PVT1: variants seen among roughly 807,000 people sequenced by gnomAD.
The protein encoded by PVT1 is Pvt1 oncogene, also known as CXCR4/PVT1 fusion.
chr8:127,898,086 GGAAGGAAGGAAGGAAA>G lies in PVT1; in HGVS notation n.782+7104_782+7119del, dbSNP rs1382126954. On this transcript the variant is annotated intron_variant and non_coding_transcript_variant, in intron 3 of 10. Coordinates refer to ENST00000651587, the Ensembl canonical transcript of PVT1. The surrounding 1 kb of genome is among the most constrained non-coding windows in gnomAD (Gnocchi z 4.4). Reference sequence around the variant, plus strand: ...AGAAAGAAAAGAAAAGAAAGAAAAGGGAAGGAAGGAAGGAAAGAAGGAAGGAAGGAAGAAAGAAGGA... The same window carrying G: ...AGAAAGAAAAGAAAAGAAAGAAAAGGGAAGGAAGGAAGGAAGAAAGAAGGA... 2.8e-5 allele frequency among the ~76,000 whole-genome samples: 4 copies of G among 141,076 alleles called. No individual in the cohort carries two copies. Among genetic ancestry groups the G allele is most frequent in the East Asian group, 2.1e-4 (1 of 4,790 alleles). The allele number at this position is 141,076 out of a possible 152,430, so 92.6% of individuals were successfully genotyped here.
At position 127,833,383 on chromosome 8, in the gene PVT1, T is replaced by C. The variant is rs73353097; in HGVS notation, n.372+37312T>C. ...CTGCTCCTCTCTCCTGCCCTCTATC[T>C]TGGCCTCGCCCGGTCCTAGCCGGGG... On this transcript the variant is annotated intron_variant and non_coding_transcript_variant, in intron 2 of 10. Coordinates refer to ENST00000651587, the Ensembl canonical transcript of PVT1. Among the ~76,000 whole-genome samples the C allele has an allele frequency of 7.2e-3, 1,094 of 152,250 alleles. 19 individuals are homozygous for C. Among genetic ancestry groups the C allele is most frequent in the African/African-American group, 0.025 (1,028 of 41,548 alleles).
intron 4 of PVT1, among the ~76,000 whole-genome samples, chr8:128,024,942 T>G (rs1369107787): frequency 6.6e-6 from 1 of 152,230 alleles, no homozygotes; most frequent in African/African-American, 2.4e-5. Flanking sequence ...CCTCAAGTGA[T>G]CCCATCTTGG....
chr8:127,817,116 G>A (rs560492384), intron 2 of PVT1, among the ~76,000 whole-genome samples: 1 of 151,870 alleles, frequency 6.6e-6, no homozygotes, highest in East Asian at 1.9e-4. Context: ...ACTGCTGTTG[G>A]ATTTTCCTGG....
In PVT1 at chr8:128,047,034, C is replaced by T. The variant is rs149848673; in HGVS notation, n.913-23126C>T. On this transcript the variant is annotated intron_variant and non_coding_transcript_variant, in intron 4 of 10. Coordinates refer to ENST00000651587, the Ensembl canonical transcript of PVT1. ...TGTCTGAGGTTCTACTTTGTTCCAG[C>T]CATGGAGTCATACTCTCTTTATCTT... Among the ~76,000 whole-genome samples the T allele has an allele frequency of 3.1e-3, 476 of 152,308 alleles. 4 individuals carry two copies. The highest frequency in any genetic ancestry group is 0.011 in the African/African-American group (466 of 41,564).
intron 2 of PVT1, among the ~76,000 whole-genome samples, chr8:127,879,952 GC>G (rs1815446674): frequency 6.6e-6 from 1 of 152,178 alleles, no homozygotes; most frequent in South Asian, 2.1e-4. Flanking sequence ...ACTTCTCCAG[GC>G]CTTACTTCTC....
chr8:127,978,650 A>C lies in PVT1; in HGVS notation n.783-10512A>C, dbSNP rs1283307187. 2.6e-5 allele frequency among the ~76,000 whole-genome samples: 4 copies of C among 151,942 alleles called. No homozygotes were observed. The East Asian group carries it at 7.7e-4, about 29-fold the overall frequency. ...AGGCACGTGCCACCACACCTGGCTA[A>C]TTTTTTTGTGGTTTTAGTAGAGATG... On this transcript the variant is annotated intron_variant and non_coding_transcript_variant, in intron 3 of 10. Coordinates refer to ENST00000651587, the Ensembl canonical transcript of PVT1.
intron 2 of PVT1, among the ~76,000 whole-genome samples, chr8:127,830,139 A>T (rs1814833871): frequency 6.6e-6 from 1 of 152,230 alleles, no homozygotes. Flanking sequence ...TGAGGTTCTG[A>T]ATAGACATGA....
intron 3 of PVT1, among the ~76,000 whole-genome samples, chr8:127,954,634 C>T (rs776685073): frequency 6.5e-4 from 99 of 152,202 alleles, no homozygotes; most frequent in Non-Finnish European, 1.2e-3. Flanking sequence ...TTCAGCGCCC[C>T]CAGTGCCTCT....
chr8:127,803,383 C>A (rs1814490851), intron 2 of PVT1: 1 of 152,204 alleles, frequency 6.6e-6, no homozygotes, highest in Admixed American at 6.5e-5. Context: ...CCCGCCTTGG[C>A]CTCCCAAAGT....
intron 3 of PVT1, among the ~76,000 whole-genome samples, chr8:127,911,054 G>T (rs951275823): frequency 6.6e-6 from 1 of 152,134 alleles, no homozygotes; most frequent in Non-Finnish European, 1.5e-5. Context: ...CTTTAACTCA[G>T]TTCTGACAAT....
At chr8:127,980,151 G>A (rs898795809) in intron 3 of PVT1, among the ~76,000 whole-genome samples, 1 of 152,052 alleles carries the variant, frequency 6.6e-6, no homozygotes, top group Non-Finnish European at 1.5e-5. Flanking sequence ...TGAAGCGCTG[G>A]GATTATAGGT....
intron 5 of PVT1, among the ~76,000 whole-genome samples, chr8:128,072,830 TTTATTTTTA>T (rs1814014481): frequency 6.6e-6 from 1 of 151,904 alleles, no homozygotes; most frequent in Non-Finnish European, 1.5e-5. Flanking sequence ...TTATTTTATT[TTTATTTTTA>T]TTATTTTTAT....
Position 127,898,560 on chromosome 8 carries a change from A to G in PVT1, n.782+7562A>G, listed in dbSNP as rs1815715958. On this transcript the variant is annotated intron_variant and non_coding_transcript_variant, in intron 3 of 10. Coordinates refer to ENST00000651587, the Ensembl canonical transcript of PVT1. This position sits in a 1 kb window ranked among gnomAD's most constrained non-coding sequence, Gnocchi z 4.4. ...GAGACCAGACTGAGGCAGTGAAGTC[A>G]CCATAATTGATGGGCCACACTAGAC... 6.6e-6 allele frequency among the ~76,000 whole-genome samples: 1 copy of G among 152,186 alleles called. No homozygotes were observed. The highest frequency in any genetic ancestry group is 6.5e-5 in the Admixed American group (1 of 15,282).
chr8:127,911,266 GC>G (rs1023583793), intron 3 of PVT1, among the ~76,000 whole-genome samples: 13 of 152,200 alleles, frequency 8.5e-5, no homozygotes, highest in Non-Finnish European at 1.3e-4. Context: ...CTTTGTTCTG[GC>G]CATAGTTTTC....
rs151071653 is a variant in PVT1, at chr8:127,928,139, G to A, written n.782+37141G>A. Among the ~76,000 whole-genome samples, 137 of 152,180 alleles carry A rather than the reference G, an allele frequency of 9.0e-4. 4 individuals are homozygous for A. The East Asian group carries it at 0.023, about 26-fold the overall frequency. On this transcript the variant is annotated intron_variant and non_coding_transcript_variant, in intron 3 of 10. Coordinates refer to ENST00000651587, the Ensembl canonical transcript of PVT1. ...TCTAGTTTTAGCAAAAAACTCTGCT[G>A]AGTCAGTTTGGTAAGGACCACCGGC...
intron 2 of PVT1, among the ~76,000 whole-genome samples, chr8:127,880,949 C>T (rs1468370971): frequency 1.3e-5 from 2 of 152,166 alleles, no homozygotes; most frequent in Non-Finnish European, 2.9e-5. Flanking sequence ...GTGCCGGACA[C>T]GCATGGGTTG....
intron 2 of PVT1, among the ~76,000 whole-genome samples, chr8:127,855,623 GGA>G (rs1815152357): frequency 4.6e-5 from 7 of 152,196 alleles, no homozygotes; most frequent in Admixed American, 3.3e-4. Flanking sequence ...ACACTCCCCA[GGA>G]GAGACTGGAG....
intron 4 of PVT1, among the ~76,000 whole-genome samples, chr8:128,014,889 G>A (rs1423776023): frequency 2.0e-5 from 3 of 152,128 alleles, no homozygotes; most frequent in Non-Finnish European, 4.4e-5. Flanking sequence ...GGGCACTTAA[G>A]CAATTAGCAT....
chr8:128,067,479 A>G (rs1355375238), intron 4 of PVT1, among the ~76,000 whole-genome samples: 4 of 152,308 alleles, frequency 2.6e-5, no homozygotes, highest in African/African-American at 9.6e-5. Flanking sequence ...CAAAAGGTCT[A>G]TATTGGAGCA....
Sources: allele counts gnomAD v4.1 joint callset (sites outside exome capture counted in the v4.1 genomes callset), GRCh38; gene constraint gnomAD v4.1.1; non-coding constraint Gnocchi (gnomAD v3.1); transcripts MANE v1.5; gene names NCBI Gene and HGNC (gene_info 2026-07-23, HGNC 2026-07-21).